The following PALS1 variants were observed in gnomAD, a reference collection of about 807,000 sequenced individuals.
PALS1 encodes protein associated with LIN7 1, MAGUK p55 family member.
PALS1 carries 31 observed loss-of-function variants against 78.9 expected under a neutral mutation model. The observed-to-expected ratio is 0.39, with a 90% CI of 0.30 to 0.53. The LOEUF (loss-of-function observed/expected upper bound fraction) is 0.53. Among genes scored for constraint, PALS1 ranks in the 20% least tolerant of loss-of-function variants. The probability of loss-of-function intolerance (pLI) is 0.67; values close to 1 mark genes in which losing one functional copy is unlikely to be tolerated. For synonymous variants in PALS1, 276 were observed against 270.9 expected, an observed-to-expected ratio of 1.02 and a Z score of -0.18; for missense variants, 704 against 826.5, an observed-to-expected ratio of 0.85 and a Z score of 1.82.
chr14:67,291,366 TAC>T (rs1455909837), intron 3 of PALS1, among the ~76,000 whole-genome samples: 2 of 152,050 alleles, frequency 1.3e-5, no homozygotes. Flanking sequence ...TAGCTGGGAT[TAC>T]AGGCGCCTGC....
chr14:67,242,502 A>G (rs1171240554), intron 1 of PALS1, among the ~76,000 whole-genome samples: 1 of 152,250 alleles, frequency 6.6e-6, no homozygotes, highest in Non-Finnish European at 1.5e-5. Context: ...CTTTTGGATT[A>G]TACCAGAAGT....
intron 2 of PALS1, among the ~76,000 whole-genome samples, chr14:67,273,790 T>G (rs1039753771): frequency 1.3e-5 from 2 of 152,178 alleles, no homozygotes; most frequent in African/African-American, 4.8e-5. Context: ...ACCTGTTGTT[T>G]CCGACTTTTT....
rs1236839684 is a variant in PALS1, at chr14:67,335,149, C to G, written c.*2193C>G. ...ATAAATATTTCAAGGTCAGTGAAGT[C>G]TATCAATCATTCTCCCCTTCCTCAT... On this transcript the variant is annotated 3_prime_UTR_variant, in exon 15 of 15. Coordinates refer to ENST00000261681, the MANE Select transcript of PALS1 (RefSeq NM_022474.4). 1 of 152,202 alleles carries G rather than the reference C, an allele frequency of 6.6e-6. No individual in the cohort carries two copies. The highest frequency in any genetic ancestry group is 1.5e-5 in the Non-Finnish European group (1 of 68,032). 9.4% of individuals were successfully genotyped at this position (152,202 alleles called of 1,614,324 possible).
chr14:67,244,438 A>AT (rs2083955674), intron 1 of PALS1, among the ~76,000 whole-genome samples: 2 of 152,224 alleles, frequency 1.3e-5, no homozygotes, highest in Non-Finnish European at 2.9e-5. Context: ...AATTTTTGCT[A>AT]ATCTGGTGGA....
chr14:67,323,529 A>C (rs1221403203), intron 13 of PALS1, among the ~76,000 whole-genome samples, 173 bp from the exon 14 acceptor site: 1 of 151,448 alleles, frequency 6.6e-6, no homozygotes, highest in Non-Finnish European at 1.5e-5. Context: ...ATGAGGGGCC[A>C]CTTGAGTGCA....
At chr14:67,262,347 A>G (rs1421685628) in intron 1 of PALS1, among the ~76,000 whole-genome samples, 2 of 152,026 alleles carry the variant, frequency 1.3e-5, no homozygotes, top group Non-Finnish European at 2.9e-5. Context: ...TCTCTTTTCC[A>G]ATTCTTATCC....
Position 67,296,585 on chromosome 14 carries a change from CAAAAAAAAAAAAAAA to C in PALS1, c.576+3880_576+3894del, listed in dbSNP as rs374329692. On this transcript the variant is annotated intron_variant, in intron 4 of 14. Transcript: ENST00000261681. The stretch of plus-strand genomic sequence containing the variant: ...TGGGCAACAGAGTGAAACTCTGTCT[CAAAAAAAAAAAAAAA>C]AAAAAAAAAAAAAGATGGTGTCTAG... 3.1e-4 allele frequency among the ~76,000 whole-genome samples: 16 copies of C among 51,018 alleles called. No homozygotes were observed. The South Asian group carries it at 6.7e-3, about 21-fold the overall frequency. 33.5% of individuals were successfully genotyped at this position (51,018 alleles called of 152,430 possible).
At position 67,321,268 on chromosome 14, in the gene PALS1, A is replaced by C; in HGVS notation, c.1740+9A>C. The C allele has an allele frequency of 6.2e-7, 1 of 1,613,596 alleles. No homozygotes were observed. The highest frequency in any genetic ancestry group is 1.1e-5 in the South Asian group (1 of 91,038). Reference sequence around the variant, plus strand: ...TAAGTCTTCGTACACAGGTAAAGCTAGAACTTTGTTTTAGGGTTTGAACTT... The same window carrying C: ...TAAGTCTTCGTACACAGGTAAAGCTCGAACTTTGTTTTAGGGTTTGAACTT... On this transcript the variant is annotated intron_variant, in intron 13 of 14. Coordinates refer to ENST00000261681, the MANE Select transcript of PALS1 (RefSeq NM_022474.4).
chr14:67,305,259 T>C (rs968462593), intron 8 of PALS1, among the ~76,000 whole-genome samples: 1 of 152,186 alleles, frequency 6.6e-6, no homozygotes, highest in Non-Finnish European at 1.5e-5. Context: ...CTTTTGTCTT[T>C]TGAGAATAAA....
chr14:67,296,980 A>C (rs1456316391), intron 4 of PALS1, among the ~76,000 whole-genome samples: 1 of 152,208 alleles, frequency 6.6e-6, no homozygotes, highest in Non-Finnish European at 1.5e-5. Context: ...GATGCAGAGA[A>C]GGCATCTGAA....
intron 3 of PALS1, among the ~76,000 whole-genome samples, chr14:67,284,462 A>G (rs527442846): frequency 2.3e-5 from 3 of 132,976 alleles, no homozygotes; most frequent in East Asian, 2.4e-4. Flanking sequence ...GCATGGTGGT[A>G]TGCTTCTGTA....
At chr14:67,271,145 G>A (rs915079034) in intron 2 of PALS1, 2 of 152,190 alleles carry the variant, frequency 1.3e-5, no homozygotes, top group African/African-American at 4.8e-5. Flanking sequence ...CAAACACTTA[G>A]CAGGTATCAC....
chr14:67,324,426 T>C (rs1490756234), intron 14 of PALS1, among the ~76,000 whole-genome samples: 1 of 151,896 alleles, frequency 6.6e-6, no homozygotes, highest in Non-Finnish European at 1.5e-5. Context: ...TTCTTCCTTG[T>C]TTTTTTTGCT....
At chr14:67,256,186 T>C (rs2084142538) in intron 1 of PALS1, among the ~76,000 whole-genome samples, 1 of 152,234 alleles carries the variant, frequency 6.6e-6, no homozygotes, top group African/African-American at 2.4e-5. Flanking sequence ...TTTTCAGAGA[T>C]ATTAGTTGAA....
rs959978035 is a variant in PALS1 at position 67,302,269 on chromosome 14, T to C, written c.802-141T>C. The C allele has an allele frequency of 1.6e-5, 17 of 1,077,068 alleles. No individual in the cohort carries two copies. The African/African-American group carries it at 2.5e-4, about 16-fold the overall frequency. 66.7% of individuals were successfully genotyped at this position (1,077,068 alleles called of 1,614,324 possible). On this transcript the variant is annotated intron_variant, in intron 6 of 14. Transcript: ENST00000261681. ...GTCAACTTTTAAATCTAATTACAAT[T>C]ACTCTAGTTGTGTAAATAAATTTTT...
chr14:67,289,768 CCT>C (rs1248651814), intron 3 of PALS1, among the ~76,000 whole-genome samples: 15,735 of 94,626 alleles, frequency 0.17, 3,076 homozygotes, highest in East Asian at 0.45. Flanking sequence ...TTTTCCATGT[CCT>C]TTTTTTTTTT....
chr14:67,257,661 ATATG>A (rs903314979), intron 1 of PALS1, among the ~76,000 whole-genome samples: 5 of 151,874 alleles, frequency 3.3e-5, no homozygotes, highest in African/African-American at 9.7e-5. Flanking sequence ...ATATATGTAT[ATATG>A]TATGTATATA....
intron 3 of PALS1, among the ~76,000 whole-genome samples, chr14:67,284,549 A>T (rs1417542214): frequency 1.5e-5 from 1 of 64,630 alleles, no homozygotes; most frequent in East Asian, 6.3e-4. Flanking sequence ...TGCAGTGCTA[A>T]AAAAAAAAAA....
intron 1 of PALS1, among the ~76,000 whole-genome samples, chr14:67,265,714 A>T (rs1223156427): frequency 6.6e-6 from 1 of 151,752 alleles, no homozygotes; most frequent in Non-Finnish European, 1.5e-5. Flanking sequence ...AAAATTAACC[A>T]GTTGCAGTGA....
Sources: gnomAD v4.1 joint callset for allele counts (sites outside exome capture counted in the v4.1 genomes callset) on GRCh38, gnomAD v4.1.1 for gene constraint, MANE v1.5 for transcripts, NCBI Gene and HGNC (gene_info 2026-07-23, HGNC 2026-07-21) for gene names.